Variants in FRMPD4 observed in about 807,000 individuals in gnomAD.
FRMPD4 encodes the protein FERM and PDZ domain-containing protein 4.
In FRMPD4, 22 loss-of-function variants were observed where a neutral mutation model predicts 94.1. That is an observed-to-expected ratio of 0.23 (90% CI 0.17 to 0.33). The LOEUF is 0.33. Among genes scored for constraint, FRMPD4 ranks in the 10% least tolerant of loss-of-function variants. FRMPD4 has a pLI of 1.00. For missense variants in FRMPD4, 1,111 were observed against 1,339.9 expected (o/e 0.83, Z 2.67); for synonymous variants, 631 against 548.6 (o/e 1.15, Z -2.10).
chrX:12,283,050 A>G (rs2054549688), intron 1 of FRMPD4, among the ~76,000 whole-genome samples: 1 of 113,063 alleles, frequency 8.8e-6, no homozygotes, highest in Non-Finnish European at 1.9e-5. Context: ...TCCAATGGAC[A>G]GCGCTGATCT....
At chrX:12,700,419 G>A (rs867000198) in intron 9 of FRMPD4, among the ~76,000 whole-genome samples, 7 of 112,233 alleles carry the variant, frequency 6.2e-5, no homozygotes, top group Non-Finnish European at 1.9e-5. Context: ...GCAATGCAGC[G>A]CTTCCCAGCA....
chrX:12,140,124 G>A lies in FRMPD4; in HGVS notation c.41+1112G>A, dbSNP rs2055668999. Among the ~76,000 whole-genome samples, 6 of 111,921 alleles carry A rather than the reference G, an allele frequency of 5.4e-5. No homozygotes were observed. The Admixed American group carries it at 5.6e-4, about 11-fold the overall frequency. ...GACCACTTCAGAAAGGTTCTGTTTGGATGTTGCCATTCTCTCCGACATCTA... is the reference window on the plus strand; with the variant it reads ...GACCACTTCAGAAAGGTTCTGTTTGAATGTTGCCATTCTCTCCGACATCTA... On this transcript the variant is annotated intron_variant, in intron 1 of 16. Transcript: ENST00000675598.
intron 1 of FRMPD4, among the ~76,000 whole-genome samples, chrX:12,217,321 T>C (rs1177257582): frequency 7.2e-5 from 8 of 111,610 alleles, no homozygotes. Flanking sequence ...GGGAAGTAGA[T>C]CATAAACATG....
chrX:12,019,146 G>A (rs1367110319), intron 3 of FRMPD4, among the ~76,000 whole-genome samples: 2 of 108,272 alleles, frequency 1.8e-5, no homozygotes, highest in East Asian at 2.8e-4. Context: ...TGCCAAATGA[G>A]TTTCAATTTT....
intron 3 of FRMPD4, among the ~76,000 whole-genome samples, chrX:11,962,764 G>A (rs574162937): frequency 2.7e-5 from 3 of 112,093 alleles, no homozygotes; most frequent in African/African-American, 9.7e-5. Flanking sequence ...TGGCAAAGCA[G>A]ACATGTAGGA....
intron 1 of FRMPD4, among the ~76,000 whole-genome samples, chrX:12,224,511 C>T (rs1177295424): frequency 9.0e-6 from 1 of 111,719 alleles, no homozygotes; most frequent in Non-Finnish European, 1.9e-5. Flanking sequence ...AGGGGGAATT[C>T]ACATTATGAA....
In FRMPD4 at chrX:12,648,780, C is replaced by T. The variant is rs141029497; in HGVS notation, c.423-26083C>T. 1.4e-3 allele frequency among the ~76,000 whole-genome samples: 152 copies of T among 112,117 alleles called. 1 individual carries two copies. The highest frequency in any genetic ancestry group is 4.7e-3 in the Middle Eastern group (1 of 215). On this transcript the variant is annotated intron_variant, in intron 4 of 16. Coordinates refer to ENST00000675598, the MANE Select transcript of FRMPD4 (RefSeq NM_001368397.1). ...ACTTTGAATACTGATAATGACTTTA[C>T]CATGGATAGAAGGAAAGGACATTGG...
chrX:12,256,102 T>G (rs965361946), intron 1 of FRMPD4, among the ~76,000 whole-genome samples: 1 of 111,892 alleles, frequency 8.9e-6, no homozygotes, highest in African/African-American at 3.2e-5. Context: ...ATCCCCCTAT[T>G]GGGAGGCCCA....
intron 3 of FRMPD4, among the ~76,000 whole-genome samples, chrX:11,894,442 TG>T (rs2053891452): frequency 8.9e-6 from 1 of 112,359 alleles, no homozygotes; most frequent in Admixed American, 9.4e-5. Context: ...GCATAGGCAT[TG>T]GAATGTACAA....
chrX:12,579,806 A>G (rs2058847265), intron 2 of FRMPD4, among the ~76,000 whole-genome samples: 1 of 111,743 alleles, frequency 8.9e-6, no homozygotes, highest in Non-Finnish European at 1.9e-5. Context: ...ACAAAAGAAA[A>G]CCGAAAAGAC....
At chrX:11,894,187 A>G (rs1165954145) in intron 3 of FRMPD4, among the ~76,000 whole-genome samples, 1 of 111,730 alleles carries the variant, frequency 9.0e-6, no homozygotes, top group Non-Finnish European at 1.9e-5. Context: ...ACATAAGCCA[A>G]TTCCTTGTAA....
chrX:11,855,958 A>G, intron 1 of FRMPD4, among the ~76,000 whole-genome samples: 1 of 111,834 alleles, frequency 8.9e-6, no homozygotes, highest in Non-Finnish European at 1.9e-5. Flanking sequence ...GTATGTTGCT[A>G]TGAAGAAATA....
intron 1 of FRMPD4, among the ~76,000 whole-genome samples, chrX:12,265,540 A>G (rs923811780): frequency 2.7e-5 from 3 of 111,820 alleles, no homozygotes; most frequent in African/African-American, 9.8e-5. Context: ...TTTGATTTGT[A>G]GACACTACCC....
intron 1 of FRMPD4, among the ~76,000 whole-genome samples, chrX:12,197,972 T>A (rs2056585234): frequency 8.9e-6 from 1 of 112,313 alleles, no homozygotes; most frequent in African/African-American, 3.2e-5. Context: ...TCTTTTAACA[T>A]ATAAACCCAA....
At chrX:12,509,931 A>T (rs1463513452) in intron 2 of FRMPD4, among the ~76,000 whole-genome samples, 1 of 111,894 alleles carries the variant, frequency 8.9e-6, no homozygotes, top group Admixed American at 9.5e-5. Flanking sequence ...GGCATAGAAT[A>T]ATAAAGCACA....
intron 1 of FRMPD4, among the ~76,000 whole-genome samples, chrX:12,389,962 A>C (rs2056453027): frequency 8.9e-6 from 1 of 112,084 alleles, no homozygotes; most frequent in African/African-American, 3.2e-5. Context: ...GCTTCATCTG[A>C]CTCCAGTTCC....
chrX:12,266,069 C>T (rs1337086911), intron 1 of FRMPD4, among the ~76,000 whole-genome samples: 3 of 88,454 alleles, frequency 3.4e-5, no homozygotes, highest in Non-Finnish European at 6.3e-5. Context: ...GGAGGCGGAG[C>T]TTGCAGTGAG....
At chrX:11,992,709 C>T (rs946248477) in intron 3 of FRMPD4, among the ~76,000 whole-genome samples, 3 of 111,220 alleles carry the variant, frequency 2.7e-5, no homozygotes, top group African/African-American at 6.5e-5. Context: ...ACTTAGAGGG[C>T]GAAGAAAATT....
chrX:11,864,716 T>C (rs1711629933), intron 1 of FRMPD4, among the ~76,000 whole-genome samples: 1 of 111,644 alleles, frequency 9.0e-6, no homozygotes, highest in African/African-American at 3.3e-5. Flanking sequence ...CCTTCCAAAA[T>C]TGAAAAAAAA....
Sources: gnomAD v4.1 joint callset for allele counts (sites outside exome capture counted in the v4.1 genomes callset) on GRCh38, gnomAD v4.1.1 for gene constraint, MANE v1.5 for transcripts, NCBI Gene and HGNC (gene_info 2026-07-23, HGNC 2026-07-21) for gene names.